The following COG6 variants were observed in gnomAD, a reference collection of about 807,000 sequenced individuals.
The protein encoded by COG6 is conserved oligomeric Golgi complex subunit 6.
In COG6, 74 loss-of-function variants were observed where a neutral mutation model predicts 88.8. The ratio of observed to expected loss-of-function variants is 0.83; its 90% CI spans 0.69 to 1.01. The LOEUF (loss-of-function observed/expected upper bound fraction) is 1.01. Among genes scored for constraint, COG6 ranks in the 50% least tolerant of loss-of-function variants. The probability of loss-of-function intolerance (pLI) is 0.00; values close to 1 mark genes in which losing one functional copy is unlikely to be tolerated. For missense variants in COG6, 800 were observed against 797.9 expected (o/e 1.00, Z -0.03); for synonymous variants, 286 against 278.7 (o/e 1.03, Z -0.26).
In COG6 at chr13:39,707,381, C is replaced by A. The variant is rs547405013; in HGVS notation, c.1284+7763C>A. Reference sequence around the variant, plus strand: ...TGACCTCATGATCCGCCCGCCTCAGCCTTCCAAAGTGCTGGGATTACAGGC... The same window carrying A: ...TGACCTCATGATCCGCCCGCCTCAGACTTCCAAAGTGCTGGGATTACAGGC... On this transcript the variant is annotated intron_variant, in intron 13 of 18. Transcript: ENST00000455146. 1.7e-3 allele frequency among the ~76,000 whole-genome samples: 257 copies of A among 152,236 alleles called. 4 individuals are homozygous for A. Among genetic ancestry groups the A allele is most frequent in the Middle Eastern group, 6.8e-3 (2 of 294 alleles).
chr13:39,774,891 T>C (rs1313377811), intron 18 of COG6, among the ~76,000 whole-genome samples: 1 of 152,152 alleles, frequency 6.6e-6, no homozygotes, highest in Non-Finnish European at 1.5e-5. Context: ...ATTTCAAAGT[T>C]TATATTTTCA....
chr13:39,751,285 T>C lies in COG6; in HGVS notation c.*192T>C, dbSNP rs1467839197. On this transcript the variant is annotated 3_prime_UTR_variant, in exon 19 of 19. Coordinates refer to ENST00000455146, the MANE Select transcript of COG6 (RefSeq NM_020751.3). ...TAAGTAACATGTTGACCTGAGCTAGTATTGCTGTGTATCTACTCTAAATGA... is the reference window on the plus strand; with the variant it reads ...TAAGTAACATGTTGACCTGAGCTAGCATTGCTGTGTATCTACTCTAAATGA... 36 of 1,509,688 alleles carry C rather than the reference T, an allele frequency of 2.4e-5. No individual in the cohort carries two copies. The highest frequency in any genetic ancestry group is 3.1e-5 in the Non-Finnish European group (35 of 1,132,230). 93.5% of individuals were successfully genotyped at this position (1,509,688 alleles called of 1,614,324 possible).
intron 10 of COG6, 126 bp downstream of exon 10, chr13:39,687,925 T>C: frequency 1.4e-6 from 1 of 721,314 alleles, no homozygotes; most frequent in Non-Finnish European, 2.5e-6. Flanking sequence ...GCATCCTGAT[T>C]ACTCTTTCTC....
At chr13:39,766,504 G>A (rs1325055995) in intron 18 of COG6, among the ~76,000 whole-genome samples, 1 of 152,028 alleles carries the variant, frequency 6.6e-6, no homozygotes, top group Non-Finnish European at 1.5e-5. Flanking sequence ...CTGAAATCTG[G>A]TTCTGTCATT....
intron 18 of COG6, among the ~76,000 whole-genome samples, chr13:39,768,804 G>A (rs1881238883): frequency 6.6e-6 from 1 of 151,946 alleles, no homozygotes; most frequent in South Asian, 2.1e-4. Flanking sequence ...TCAATAACTG[G>A]AATGTTTCAA....
intron 13 of COG6, among the ~76,000 whole-genome samples, chr13:39,714,888 C>A (rs971305433): frequency 6.6e-6 from 1 of 152,000 alleles, no homozygotes; most frequent in East Asian, 1.9e-4. Flanking sequence ...ACTAATCAGT[C>A]GATAAAGAAA....
intron 8 of COG6, among the ~76,000 whole-genome samples, chr13:39,685,403 A>G (rs886462624): frequency 7.2e-5 from 11 of 152,168 alleles, no homozygotes; most frequent in Non-Finnish European, 1.6e-4. Context: ...CTATAGGAGG[A>G]TTGACATTAA....
chr13:39,697,607 C>G (rs1877347576), intron 12 of COG6, among the ~76,000 whole-genome samples: 1 of 151,960 alleles, frequency 6.6e-6, no homozygotes. Flanking sequence ...GAGAACTCAA[C>G]ATTGCATTGT....
upstream of COG6, chr13:39,655,637 C>A (rs562839276): frequency 2.1e-6 from 3 of 1,447,358 alleles, no homozygotes; most frequent in African/African-American, 1.4e-5. Flanking sequence ...GATGCGCATG[C>A]GCGGCCGATT....
At chr13:39,712,842 C>A (rs1878314753) in intron 13 of COG6, among the ~76,000 whole-genome samples, 1 of 152,332 alleles carries the variant, frequency 6.6e-6, no homozygotes, top group Middle Eastern at 3.4e-3. Flanking sequence ...CAAGTACTTG[C>A]ATGCCTGCTG....
intron 18 of COG6, among the ~76,000 whole-genome samples, chr13:39,731,697 A>G (rs1405152729): frequency 1.3e-5 from 2 of 152,226 alleles, no homozygotes; most frequent in Non-Finnish European, 2.9e-5. Flanking sequence ...CTAGAAATAA[A>G]GCATGTACCT....
chr13:39,679,082 A>G lies in COG6; in HGVS notation c.541-456A>G, dbSNP rs113345578. ...GCATCTGTCACCTCCTATATATTTA[A>G]CTTTGCATTCTACTCTTGGACGAGG... On this transcript the variant is annotated intron_variant, in intron 5 of 18. Transcript: ENST00000455146. 1.2e-3 allele frequency among the ~76,000 whole-genome samples: 189 copies of G among 152,234 alleles called. 2 individuals are homozygous for G. Among genetic ancestry groups the G allele is most frequent in the African/African-American group, 4.1e-3 (170 of 41,550 alleles).
At chr13:39,702,717 T>C (rs1253480308) in intron 13 of COG6, among the ~76,000 whole-genome samples, 1 of 152,090 alleles carries the variant, frequency 6.6e-6, no homozygotes, top group Non-Finnish European at 1.5e-5. Context: ...AAATGAATTG[T>C]AAATATTTTA....
In COG6 at chr13:39,677,230, T is replaced by G. The variant is rs924384202; in HGVS notation, c.429-238T>G. On this transcript the variant is annotated intron_variant, in intron 4 of 18. Coordinates refer to ENST00000455146, the MANE Select transcript of COG6 (RefSeq NM_020751.3). ...GCATGGACTTATTTGTTCTTTTGCG[T>G]AATGATCAACTCCATTTATTGTGTG... Among the ~76,000 whole-genome samples, 3 of 152,184 alleles carry G rather than the reference T, an allele frequency of 2.0e-5. No homozygotes were observed. The South Asian group carries it at 6.2e-4, about 31-fold the overall frequency.
intron 3 of COG6, among the ~76,000 whole-genome samples, chr13:39,662,403 A>G (rs1003405740): frequency 3.3e-5 from 5 of 152,146 alleles, no homozygotes; most frequent in African/African-American, 1.2e-4. Flanking sequence ...CTGGGATTAC[A>G]GACATGAGCC....
intron 4 of COG6, among the ~76,000 whole-genome samples, chr13:39,677,230 T>C (rs924384202): frequency 6.6e-6 from 1 of 152,184 alleles, no homozygotes; most frequent in African/African-American, 2.4e-5. Flanking sequence ...TTCTTTTGCG[T>C]AATGATCAAC....
rs10684632 is a variant in COG6, at chr13:39,715,256, C to CCTCTCT, written c.1285-3969_1285-3964dup. ...TTGCTTCCAAAAGACACTATATACT[C>CCTCTCT]CTCTCTCTCTCTCTCTATACACACA... On this transcript the variant is annotated intron_variant, in intron 13 of 18. Coordinates refer to ENST00000455146, the MANE Select transcript of COG6 (RefSeq NM_020751.3). 2.7e-3 allele frequency among the ~76,000 whole-genome samples: 404 copies of CCTCTCT among 149,178 alleles called. 2 individuals carry two copies. Among genetic ancestry groups the CCTCTCT allele is most frequent in the East Asian group, 9.0e-3 (46 of 5,126 alleles).
chr13:39,788,567 T>C, exon 19 of COG6: 1 of 584,034 alleles, frequency 1.7e-6, no homozygotes, highest in Non-Finnish European at 3.1e-6. Context: ...TTCAGAATAA[T>C]GCGGATCATA....
At position 39,705,651 on chromosome 13, in the gene COG6, GAAAA is replaced by G. The variant is rs546701103; in HGVS notation, c.1284+6039_1284+6042del. Among the ~76,000 whole-genome samples, 4 of 150,088 alleles carry G rather than the reference GAAAA, an allele frequency of 2.7e-5. No individual in the cohort carries two copies. The East Asian group carries it at 7.8e-4, about 29-fold the overall frequency. ...GGATTGATTTGCCCAGTCCTCTGGA[GAAAA>G]AAAAACAAACCCCAAATGATTCTTT... is the stretch of plus-strand genomic sequence containing the variant. On this transcript the variant is annotated intron_variant, in intron 13 of 18. Coordinates refer to ENST00000455146, the MANE Select transcript of COG6 (RefSeq NM_020751.3).
Sources: allele counts gnomAD v4.1 joint callset (sites outside exome capture counted in the v4.1 genomes callset), GRCh38; gene constraint gnomAD v4.1.1; transcripts MANE v1.5; gene names NCBI Gene and HGNC (gene_info 2026-07-23, HGNC 2026-07-21).